The following CNTNAP5 variants were observed in gnomAD, a reference collection of about 807,000 sequenced individuals.
CNTNAP5 encodes the protein contactin-associated protein-like 5.
In CNTNAP5, 72 loss-of-function variants were observed where a neutral mutation model predicts 150.2. The ratio of observed to expected loss-of-function variants is 0.48; its 90% CI spans 0.40 to 0.58. CNTNAP5 has a LOEUF of 0.58. CNTNAP5 is among the 20% of genes least tolerant of loss of function. The pLI is 0.00. For synonymous variants in CNTNAP5, 672 were observed against 619.8 expected (o/e 1.08, Z -1.25); for missense variants, 1,636 against 1,626.2 (o/e 1.01, Z -0.10).
In CNTNAP5 at chr2:124,764,129, A is replaced by G. The variant is rs752220643; in HGVS notation, c.2515A>G (p.Ile839Val). Reference protein sequence around the residue: ...FLENLGIKDFIRLEISSPSEI... With the variant: ...FLENLGIKDFVRLEISSPSEI... ...AGAAAATCTTGGCATTAAAGACTTC[A>G]TTCGACTCGAAATAAGCTGTAAGTG... Residue 839 changes from isoleucine to valine, a missense_variant, in exon 16 of 24, where the codon ATT becomes GTT. Physicochemically the swap from Ile to Val is conservative, Grantham distance 29. Coordinates refer to ENST00000682447, the MANE Select transcript of CNTNAP5 (RefSeq NM_001367498.1). 5.6e-6 allele frequency: 9 copies of G among 1,612,620 alleles called. No homozygotes were observed. The highest frequency in any genetic ancestry group is 1.3e-5 in the African/African-American group (1 of 74,986).
At position 124,245,960 on chromosome 2, in the gene CNTNAP5, G is replaced by T. The variant is rs1316080455; in HGVS notation, c.381+3567G>T. 5.9e-5 allele frequency among the ~76,000 whole-genome samples: 9 copies of T among 151,802 alleles called. No homozygotes were observed. In the East Asian group the frequency reaches 1.7e-3, roughly 29 times the overall value. The stretch of plus-strand genomic sequence containing the variant: ...GGTTCTCACTATGTTGCCCAGGCTG[G>T]TCTCCAACTCGTAGGCCCAAGTGAT... On this transcript the variant is annotated intron_variant, in intron 3 of 23. Coordinates refer to ENST00000682447, the MANE Select transcript of CNTNAP5 (RefSeq NM_001367498.1).
intron 1 of CNTNAP5, among the ~76,000 whole-genome samples, chr2:124,041,758 C>T (rs866953423): frequency 7.9e-5 from 12 of 152,068 alleles, no homozygotes; most frequent in Admixed American, 6.6e-5. Context: ...TTTTGTCTCC[C>T]ACAACAGATA....
Position 124,548,947 on chromosome 2 carries a change from C to T in CNTNAP5, c.1650-14270C>T, listed in dbSNP as rs530442978. On this transcript the variant is annotated intron_variant, in intron 10 of 23. Transcript: ENST00000682447. ...GCTATATGACTGAATCTTGTCACCT[C>T]TGAAGGAGGTCACACTATGCCTCAG... Among the ~76,000 whole-genome samples the T allele has an allele frequency of 7.2e-5, 11 of 152,274 alleles. No homozygotes were observed. The South Asian group carries it at 2.3e-3, about 32-fold the overall frequency.
intron 1 of CNTNAP5, among the ~76,000 whole-genome samples, chr2:124,106,682 A>G (rs1183633613): frequency 1.3e-5 from 2 of 152,190 alleles, no homozygotes; most frequent in African/African-American, 4.8e-5. Context: ...TACATTAAGT[A>G]AAGTGCTTAC....
At chr2:124,391,304 A>G (rs1410764510) in intron 3 of CNTNAP5, among the ~76,000 whole-genome samples, 1 of 152,214 alleles carries the variant, frequency 6.6e-6, no homozygotes, top group Non-Finnish European at 1.5e-5. Flanking sequence ...AATATATTAA[A>G]GTATTTAGAT....
chr2:124,620,568 G>A (rs1482011179), intron 12 of CNTNAP5, among the ~76,000 whole-genome samples: 2 of 152,006 alleles, frequency 1.3e-5, no homozygotes, highest in Non-Finnish European at 2.9e-5. Flanking sequence ...GTATGACCTT[G>A]GATAAATCAT....
intron 1 of CNTNAP5, among the ~76,000 whole-genome samples, chr2:124,161,140 C>CT (rs1359403441): frequency 2.6e-5 from 4 of 152,024 alleles, no homozygotes; most frequent in African/African-American, 9.7e-5. Context: ...AACTGAGTGC[C>CT]TAATACATCA....
chr2:124,438,567 G>A (rs535262508), intron 5 of CNTNAP5, among the ~76,000 whole-genome samples: 4 of 152,280 alleles, frequency 2.6e-5, no homozygotes, highest in African/African-American at 7.2e-5. Flanking sequence ...CATCTGAGGA[G>A]CACCTGGGGG....
At chr2:124,362,827 A>G (rs1183985787) in intron 3 of CNTNAP5, among the ~76,000 whole-genome samples, 2 of 152,178 alleles carry the variant, frequency 1.3e-5, no homozygotes, top group Non-Finnish European at 2.9e-5. Context: ...ATGAGCACAC[A>G]CCACACTCTC....
At chr2:124,419,694 T>C (rs1477540333) in intron 4 of CNTNAP5, among the ~76,000 whole-genome samples, 1 of 152,160 alleles carries the variant, frequency 6.6e-6, no homozygotes, top group Non-Finnish European at 1.5e-5. Context: ...GGACACAGAA[T>C]GTCTTTATGA....
At chr2:124,683,964 G>A (rs952944576) in intron 13 of CNTNAP5, among the ~76,000 whole-genome samples, 3 of 152,044 alleles carry the variant, frequency 2.0e-5, no homozygotes, top group Non-Finnish European at 4.4e-5. Context: ...TTCTTTCTCC[G>A]CACAAGGCCT....
At chr2:124,904,367 T>C (rs527531275) in intron 22 of CNTNAP5, among the ~76,000 whole-genome samples, 5 of 152,284 alleles carry the variant, frequency 3.3e-5, no homozygotes, top group African/African-American at 1.2e-4. Flanking sequence ...TCTTTAATCA[T>C]TTAAGCATTA....
chr2:124,157,805 A>C (rs1354204397), intron 1 of CNTNAP5, among the ~76,000 whole-genome samples: 1 of 152,134 alleles, frequency 6.6e-6, no homozygotes, highest in Admixed American at 6.5e-5. Context: ...CTGTGTGCTC[A>C]TGAGGAGATC....
chr2:124,805,216 A>G (rs1682056516), intron 19 of CNTNAP5, among the ~76,000 whole-genome samples: 1 of 152,192 alleles, frequency 6.6e-6, no homozygotes, highest in Non-Finnish European at 1.5e-5. Flanking sequence ...AATATACACA[A>G]GCATGAAAAC....
At chr2:124,240,927 G>A (rs1686869622) in intron 2 of CNTNAP5, among the ~76,000 whole-genome samples, 1 of 152,150 alleles carries the variant, frequency 6.6e-6, no homozygotes, top group Non-Finnish European at 1.5e-5. Flanking sequence ...CTTCCAAGGT[G>A]GCGAGAAAGT....
chr2:124,419,921 T>C (rs967090479), intron 4 of CNTNAP5, among the ~76,000 whole-genome samples: 8 of 127,404 alleles, frequency 6.3e-5, no homozygotes, highest in African/African-American at 2.2e-4. Context: ...TCTTTCTTTC[T>C]TTCTTTCTTT....
At chr2:124,573,797 A>T (rs989540177) in intron 11 of CNTNAP5, among the ~76,000 whole-genome samples, 2 of 152,188 alleles carry the variant, frequency 1.3e-5, no homozygotes, top group Non-Finnish European at 2.9e-5. Context: ...GGTTATCAAT[A>T]GCTCTCTGGT....
chr2:124,591,194 G>A (rs1489897712), intron 11 of CNTNAP5, among the ~76,000 whole-genome samples: 2 of 152,080 alleles, frequency 1.3e-5, no homozygotes, highest in Non-Finnish European at 2.9e-5. Flanking sequence ...TTTTCTAATG[G>A]AGACAAATCT....
At chr2:124,177,887 C>T (rs1204638346) in intron 1 of CNTNAP5, among the ~76,000 whole-genome samples, 2 of 148,362 alleles carry the variant, frequency 1.3e-5, no homozygotes, top group Non-Finnish European at 3.0e-5. Flanking sequence ...CGCTCTGTTG[C>T]CTAGGCTGGA....
Sources: gnomAD v4.1 joint callset for allele counts (sites outside exome capture counted in the v4.1 genomes callset) on GRCh38, gnomAD v4.1.1 for gene constraint, MANE v1.5 for transcripts, NCBI Gene and HGNC (gene_info 2026-07-23, HGNC 2026-07-21) for gene names.